AMBN: variants seen among roughly 807,000 people sequenced by gnomAD.
The protein encoded by AMBN is enamel matrix protein.
A neutral mutation model predicts 48.0 loss-of-function variants in AMBN; 54 were observed. That is an observed-to-expected ratio of 1.12 (90% CI 0.90 to 1.41). The LOEUF (loss-of-function observed/expected upper bound fraction) is 1.41, where lower values mean the gene tolerates loss of function less well. AMBN is among the 40% of genes most tolerant of loss of function. The pLI is 0.00. For missense variants in AMBN, 571 were observed against 547.3 expected (o/e 1.04, Z -0.43); for synonymous variants, 186 against 190.0 (o/e 0.98, Z 0.17).
Position 70,606,473 on chromosome 4 carries a change from G to A in AMBN, c.1087G>A (p.Gly363Ser), listed in dbSNP as rs543838539. The change falls in exon 13 of 13, where the codon GGC becomes AGC. Residue 363 changes from glycine (G) to serine (S), a missense_variant. Gly to Ser is a moderately conservative substitution (Grantham distance 56). Coordinates refer to ENST00000322937, the MANE Select transcript of AMBN (RefSeq NM_016519.6). ...LLALPKDDIPGLPRSPSGKMK... is the reference protein window; with the variant it reads ...LLALPKDDIPSLPRSPSGKMK... ...TGCTCTCCCTAAGGATGACATTCCCGGCCTGCCAAGGAGCCCTTCAGGGAA... is the reference window on the plus strand; with the variant it reads ...TGCTCTCCCTAAGGATGACATTCCCAGCCTGCCAAGGAGCCCTTCAGGGAA... 67 of 1,613,844 alleles carry A rather than the reference G, an allele frequency of 4.2e-5. No homozygotes were observed. The highest frequency in any genetic ancestry group is 2.0e-4 in the Admixed American group (12 of 60,002).
chr4:70,601,384 C>A (rs779779400), intron 5 of AMBN, 34 bp from the exon 6 acceptor site: 1 of 1,600,982 alleles, frequency 6.2e-7, no homozygotes, highest in East Asian at 2.2e-5. Flanking sequence ...AATGAGCCAT[C>A]CCTTCCTAAC....
At chr4:70,597,093 A>G in intron 3 of AMBN, 44 bp downstream of exon 3, 1 of 1,537,544 alleles carries the variant, frequency 6.5e-7, no homozygotes, top group East Asian at 2.3e-5. Flanking sequence ...TTACATTGGT[A>G]TATTTGTGGT....
intron 2 of AMBN, among the ~76,000 whole-genome samples, chr4:70,596,379 T>C (rs935502050): frequency 6.6e-6 from 1 of 152,020 alleles, no homozygotes; most frequent in Admixed American, 6.6e-5. Flanking sequence ...TTAAGTATAA[T>C]AGTATTTTGT....
chr4:70,596,772 A>C (rs776389254), intron 2 of AMBN, among the ~76,000 whole-genome samples: 3 of 152,236 alleles, frequency 2.0e-5, no homozygotes, highest in Non-Finnish European at 4.4e-5. Flanking sequence ...ATGCAGACAA[A>C]GGATAGATGA....
intron 6 of AMBN, 96 bp downstream of exon 6, chr4:70,601,750 G>A (rs1296342465): frequency 1.9e-6 from 2 of 1,069,438 alleles, no homozygotes; most frequent in Non-Finnish European, 2.8e-6. Context: ...GTAGCCTTCA[G>A]GCATAATACG....
chr4:70,604,149 G>T (rs891359373), intron 12 of AMBN, among the ~76,000 whole-genome samples: 3 of 152,014 alleles, frequency 2.0e-5, no homozygotes, highest in Non-Finnish European at 2.9e-5. Flanking sequence ...ATAGAGTTTT[G>T]CCCCATTGCT....
At chr4:70,604,120 G>T (rs1051289133) in intron 12 of AMBN, among the ~76,000 whole-genome samples, 199 bp downstream of exon 12, 6 of 152,080 alleles carry the variant, frequency 3.9e-5, no homozygotes, top group African/African-American at 1.4e-4. Flanking sequence ...TCATTTCTGG[G>T]TGATGACTAT....
chr4:70,600,444 G>A lies in AMBN; in HGVS notation c.294+798G>A, dbSNP rs1458028702. Among the ~76,000 whole-genome samples, 15 of 152,226 alleles carry A rather than the reference G, an allele frequency of 9.9e-5. No individual in the cohort carries two copies. In the East Asian group the frequency reaches 2.3e-3, roughly 23 times the overall value. On this transcript the variant is annotated intron_variant, in intron 5 of 12. Transcript: ENST00000322937. ...CAAATTGTGGTTTGGTAGTAAAAGC[G>A]AAGACATTTAAGAATGGCTCCAAGG...
At position 70,603,304 on chromosome 4, in the gene AMBN, A is replaced by C; in HGVS notation, c.693A>C (p.Gln231His). The C allele has an allele frequency of 1.9e-6, 3 of 1,613,758 alleles. No individual in the cohort carries two copies. The highest frequency in any genetic ancestry group is 2.5e-6 in the Non-Finnish European group (3 of 1,179,848). The change falls in exon 10 of 13, where the codon CAA (glutamine) becomes CAC (histidine). Residue 231 changes from glutamine (Q) to histidine (H), a missense_variant. Gln to His is a conservative substitution (Grantham distance 24, BLOSUM62 0). Coordinates refer to ENST00000322937, the MANE Select transcript of AMBN (RefSeq NM_016519.6). Reference sequence around the variant, plus strand: ...TGATTTCTCACGGACCAATGCCACAAAATAAACAATCTCCAGTAAGTTTTT... The same window carrying C: ...TGATTTCTCACGGACCAATGCCACACAATAAACAATCTCCAGTAAGTTTTT... ...ARLISHGPMP[Q>H]NKQSPLYPGM...
At chr4:70,599,723 A>G in intron 5 of AMBN, 77 bp downstream of exon 5, 1 of 1,128,302 alleles carries the variant, frequency 8.9e-7, no homozygotes, top group Non-Finnish European at 1.3e-6. Flanking sequence ...AAGTTATGAT[A>G]TATTAGAAAC....
chr4:70,600,255 G>A (rs930743505), intron 5 of AMBN, among the ~76,000 whole-genome samples: 13 of 152,018 alleles, frequency 8.6e-5, no homozygotes, highest in African/African-American at 3.1e-4. Flanking sequence ...GCTGCAGTGA[G>A]CCGAGATTGT....
chr4:70,597,731 A>C (rs1229484215), intron 3 of AMBN, among the ~76,000 whole-genome samples: 1 of 152,164 alleles, frequency 6.6e-6, no homozygotes, highest in African/African-American at 2.4e-5. Flanking sequence ...CTTATTTCAC[A>C]TGGAAGCTAA....
In AMBN at chr4:70,606,282, G is replaced by T. The variant is rs754127370; in HGVS notation, c.896G>T (p.Gly299Val). ...FEGMPHNPAM[G>V]GDFTLEFDSP... ...GGAATGCCCCACAACCCAGCTATGG[G>T]CGGTGACTTCACTCTGGAATTTGAC... is the stretch of plus-strand genomic sequence containing the variant. The change falls in exon 13 of 13, where the codon GGC becomes GTC. Residue 299 changes from glycine (G) to valine (V), a missense_variant. Transcript: ENST00000322937. 5.0e-6 allele frequency: 8 copies of T among 1,614,120 alleles called. No individual in the cohort carries two copies. The South Asian group carries it at 8.8e-5, about 18-fold the overall frequency.
At chr4:70,595,896 C>T (rs1228942540) in intron 2 of AMBN, among the ~76,000 whole-genome samples, 5 of 152,160 alleles carry the variant, frequency 3.3e-5, no homozygotes, top group Non-Finnish European at 7.4e-5. Flanking sequence ...TGGCTCATGC[C>T]TATCATCCTG....
chr4:70,603,155 T>C lies in AMBN; in HGVS notation c.649-105T>C, dbSNP rs557513411. 2.1e-5 allele frequency: 28 copies of C among 1,344,450 alleles called. No homozygotes were observed. In the African/African-American group the frequency reaches 4.1e-4, roughly 20 times the overall value. 83.3% of individuals were successfully genotyped at this position (1,344,450 alleles called of 1,614,324 possible). On this transcript the variant is annotated intron_variant, in intron 9 of 12. Coordinates refer to ENST00000322937, the MANE Select transcript of AMBN (RefSeq NM_016519.6). ...TGTTCTCTTAAATATTAAATACTTATTTTCTATACTAATCCATCTGAAAAT... is the reference window on the plus strand; with the variant it reads ...TGTTCTCTTAAATATTAAATACTTACTTTCTATACTAATCCATCTGAAAAT...
intron 12 of AMBN, 49 bp from the exon 13 acceptor site, chr4:70,606,136 G>A: frequency 6.3e-7 from 1 of 1,596,256 alleles, no homozygotes; most frequent in Non-Finnish European, 8.6e-7. Flanking sequence ...GCATGGTATA[G>A]TTAATAGCAT....
chr4:70,598,348 C>G lies in AMBN; in HGVS notation c.136-8C>G. 6.4e-7 allele frequency: 1 copy of G among 1,557,584 alleles called. No homozygotes were observed. Among genetic ancestry groups the G allele is most frequent in the Non-Finnish European group, 8.7e-7 (1 of 1,152,174 alleles). ...GATAAACAGTAACCCACTTTTTTTT[C>G]TTGATAGACAATGAGACAGTTGGGA... On this transcript the variant is annotated splice_region_variant and splice_polypyrimidine_tract_variant and intron_variant, in intron 3 of 12. Transcript: ENST00000322937.
Position 70,599,435 on chromosome 4 carries a change from A to C in AMBN, c.184-101A>C. 3.5e-6 allele frequency: 3 copies of C among 869,264 alleles called. No individual in the cohort carries two copies. In the South Asian group the frequency reaches 5.5e-5, roughly 16 times the overall value. The allele number at this position is 869,264 out of a possible 1,614,324, so 53.8% of individuals were successfully genotyped here. A position where few individuals can be genotyped will look rare whatever the true frequency, so the allele number is the denominator to read the frequency against. On this transcript the variant is annotated intron_variant, in intron 4 of 12. Transcript: ENST00000322937. ...CAGCCTGGCGACAGAGCAAGATTCC[A>C]TCTCAAAAAAAAAAAGAAAAAGGAA...
chr4:70,606,674 A>G lies in AMBN; in HGVS notation c.1288A>G (p.Asn430Asp), dbSNP rs1188545062. 6.2e-7 allele frequency: 1 copy of G among 1,614,100 alleles called. No homozygotes were observed. Among genetic ancestry groups the G allele is most frequent in the South Asian group, 1.1e-5 (1 of 91,080 alleles). ...PNSLQTSMPGNKAQEPEMMHD... is the reference protein window; with the variant it reads ...PNSLQTSMPGDKAQEPEMMHD... ...CTCTCTGCAAACATCCATGCCAGGA[A>G]ACAAAGCCCAGGAGCCCGAGATGAT... is the stretch of plus-strand genomic sequence containing the variant. Residue 430 changes from asparagine to aspartate, a missense_variant, in exon 13 of 13, where the codon AAC becomes GAC. Coordinates refer to ENST00000322937, the MANE Select transcript of AMBN (RefSeq NM_016519.6).
Sources: gnomAD v4.1 joint callset for allele counts (sites outside exome capture counted in the v4.1 genomes callset) on GRCh38, gnomAD v4.1.1 for gene constraint, MANE v1.5 for transcripts, NCBI Gene and HGNC (gene_info 2026-07-23, HGNC 2026-07-21) for gene names.